ZPLD1: variants seen among roughly 807,000 people sequenced by gnomAD.
ZPLD1 encodes zona pellucida like domain containing 1.
In ZPLD1, 34 loss-of-function variants were observed where a neutral mutation model predicts 47.2. The observed-to-expected ratio is 0.72, with a 90% CI of 0.55 to 0.96. The LOEUF is 0.96. Among genes scored for constraint, ZPLD1 ranks in the 40% least tolerant of loss-of-function variants. The pLI is 0.00. For synonymous variants in ZPLD1, 176 were observed against 186.2 expected (o/e 0.95, Z 0.45); for missense variants, 512 against 505.8 (o/e 1.01, Z -0.12).
intron 6 of ZPLD1, among the ~76,000 whole-genome samples, chr3:102,390,810 C>T (rs929387208): frequency 3.9e-5 from 6 of 152,106 alleles, no homozygotes; most frequent in Admixed American, 1.3e-4. Context: ...AGACCAATAT[C>T]CCAACATGTG....
intron 8 of ZPLD1, among the ~76,000 whole-genome samples, chr3:102,465,930 C>T (rs193049840): frequency 6.6e-6 from 1 of 151,870 alleles, no homozygotes; most frequent in Non-Finnish European, 1.5e-5. Context: ...GGAGTCAGCT[C>T]CCAGAAGCAG....
chr3:102,403,787 G>A (rs929627558), intron 7 of ZPLD1, among the ~76,000 whole-genome samples: 3 of 151,942 alleles, frequency 2.0e-5, no homozygotes, highest in African/African-American at 7.2e-5. Flanking sequence ...GAGGATGTGA[G>A]TAACAGGCGG....
chr3:102,438,371 A>G, intron 2 of ZPLD1, 109 bp from the exon 3 acceptor site: 1 of 705,798 alleles, frequency 1.4e-6, no homozygotes, highest in Non-Finnish European at 2.5e-6. Context: ...GGCTGCATGG[A>G]TGTAAACTGC....
intron 8 of ZPLD1, among the ~76,000 whole-genome samples, chr3:102,466,444 A>G (rs926305628): frequency 1.3e-5 from 2 of 152,228 alleles, no homozygotes; most frequent in Non-Finnish European, 2.9e-5. Context: ...ATGGCAGAAA[A>G]GAAAATTTAA....
intron 8 of ZPLD1, among the ~76,000 whole-genome samples, chr3:102,466,249 T>G (rs1206871760): frequency 6.6e-6 from 1 of 152,124 alleles, no homozygotes; most frequent in African/African-American, 2.4e-5. Context: ...AAGTTGTTAT[T>G]GAAAAACAGA....
intron 10 of ZPLD1, among the ~76,000 whole-genome samples, chr3:102,475,724 C>A (rs1392922895): frequency 6.6e-6 from 1 of 152,020 alleles, no homozygotes; most frequent in Non-Finnish European, 1.5e-5. Context: ...CGATGCATTG[C>A]ACCATTCTAA....
At chr3:102,464,150 T>C (rs201388898) in intron 7 of ZPLD1, 21 bp from the exon 8 acceptor site, 18 of 1,568,800 alleles carry the variant, frequency 1.1e-5, no homozygotes, top group Non-Finnish European at 1.6e-5. Context: ...CTCTAGATTA[T>C]GTTTGCTTAC....
At chr3:102,389,305 T>G (rs1553707228) in intron 6 of ZPLD1, among the ~76,000 whole-genome samples, 1 of 152,244 alleles carries the variant, frequency 6.6e-6, no homozygotes, top group Non-Finnish European at 1.5e-5. Context: ...TGACATGTCA[T>G]CTTGACTCAG....
chr3:102,395,887 C>T (rs1706551302), intron 7 of ZPLD1, among the ~76,000 whole-genome samples: 1 of 152,098 alleles, frequency 6.6e-6, no homozygotes, highest in South Asian at 2.1e-4. Context: ...CTCAAGTTTC[C>T]TTTACAGTCA....
chr3:102,439,868 CAT>C (rs1345207818), intron 3 of ZPLD1, among the ~76,000 whole-genome samples: 6 of 152,180 alleles, frequency 3.9e-5, no homozygotes, highest in Non-Finnish European at 8.8e-5. Context: ...AAAATCTTCA[CAT>C]AGAGTATTTG....
chr3:102,447,780 G>A (rs908586520), intron 3 of ZPLD1, among the ~76,000 whole-genome samples: 7 of 152,144 alleles, frequency 4.6e-5, no homozygotes, highest in South Asian at 2.1e-4. Flanking sequence ...TATTAGATAT[G>A]TAAATAATAC....
chr3:102,401,090 A>T (rs1254290177), intron 7 of ZPLD1, among the ~76,000 whole-genome samples: 1 of 152,088 alleles, frequency 6.6e-6, no homozygotes, highest in Non-Finnish European at 1.5e-5. Context: ...AGAAGAAAAC[A>T]AGGTGTAGCC....
intron 5 of ZPLD1, among the ~76,000 whole-genome samples, chr3:102,456,909 T>C (rs1305581124): frequency 6.6e-6 from 1 of 152,242 alleles, no homozygotes; most frequent in African/African-American, 2.4e-5. Flanking sequence ...AAACATGGCA[T>C]GGCCTTTAGG....
intron 6 of ZPLD1, among the ~76,000 whole-genome samples, chr3:102,460,018 T>G (rs534915094): frequency 5.6e-4 from 85 of 152,180 alleles, no homozygotes; most frequent in African/African-American, 1.9e-3. Context: ...ATCATAGTAT[T>G]TTGCCATTTT....
At chr3:102,455,977 G>GAGTAA (rs1483414906) in intron 4 of ZPLD1, among the ~76,000 whole-genome samples, 1 of 152,114 alleles carries the variant, frequency 6.6e-6, no homozygotes, top group Non-Finnish European at 1.5e-5. Context: ...TATAAAGTAT[G>GAGTAA]AGTAAAGTGT....
At chr3:102,392,481 T>A (rs1326161303) in intron 7 of ZPLD1, among the ~76,000 whole-genome samples, 1 of 152,014 alleles carries the variant, frequency 6.6e-6, no homozygotes, top group African/African-American at 2.4e-5. Flanking sequence ...TGCTAATATG[T>A]TACCTCAGGT....
chr3:102,394,971 G>A (rs1706540270), intron 7 of ZPLD1, among the ~76,000 whole-genome samples: 1 of 152,140 alleles, frequency 6.6e-6, no homozygotes, highest in Admixed American at 6.6e-5. Flanking sequence ...AAGCACAGCA[G>A]CAAAAATATA....
At chr3:102,424,278 T>C (rs1706915053) in intron 8 of ZPLD1, among the ~76,000 whole-genome samples, 1 of 152,112 alleles carries the variant, frequency 6.6e-6, no homozygotes, top group Non-Finnish European at 1.5e-5. Context: ...CATCAAGTTT[T>C]CCCTTTGTGA....
chr3:102,439,219 C>T (rs1432751850), intron 3 of ZPLD1, among the ~76,000 whole-genome samples: 3 of 152,136 alleles, frequency 2.0e-5, no homozygotes, highest in Non-Finnish European at 2.9e-5. Context: ...TCAACATTTA[C>T]AAAATAAATA....
Sources: gnomAD v4.1 joint callset for allele counts (sites outside exome capture counted in the v4.1 genomes callset) on GRCh38, gnomAD v4.1.1 for gene constraint, MANE v1.5 for transcripts, NCBI Gene and HGNC (gene_info 2026-07-23, HGNC 2026-07-21) for gene names.